SPICE1: variants seen among roughly 807,000 people sequenced by gnomAD.
The protein encoded by SPICE1 is spindle and centriole-associated protein 1.
In SPICE1, 75 loss-of-function variants were observed where a neutral mutation model predicts 102.7. The ratio of observed to expected loss-of-function variants is 0.73; its 90% CI spans 0.61 to 0.88. The LOEUF is 0.88. Among genes scored for constraint, SPICE1 ranks in the 40% least tolerant of loss-of-function variants. SPICE1 has a pLI of 0.00. For synonymous variants in SPICE1, 308 were observed against 350.3 expected (o/e 0.88, Z 1.35); for missense variants, 979 against 1,020.1 (o/e 0.96, Z 0.55).
chr3:113,446,615 A>G lies in SPICE1; in HGVS notation c.2488T>C (p.Phe830Leu). The stretch of plus-strand genomic sequence containing the variant: ...TTTGCTCTTGGATTAAGAGGTGTGA[A>G]TCTCCCACTTCCTGAGGTGGCATTT... ...PLNATSGSGR[F>L]TPLNPRAKIE... The change falls in exon 17 of 18, where the codon TTC (phenylalanine) becomes CTC (leucine). Residue 830 changes from phenylalanine to leucine, a missense_variant. Physicochemically the swap from Phe to Leu is conservative, Grantham distance 22. Coordinates refer to ENST00000295872, the MANE Select transcript of SPICE1 (RefSeq NM_144718.4). 1 of 1,613,784 alleles carries G rather than the reference A, an allele frequency of 6.2e-7. No individual in the cohort carries two copies. Among genetic ancestry groups the G allele is most frequent in the Non-Finnish European group, 8.5e-7 (1 of 1,179,816 alleles).
chr3:113,453,618 G>C lies in SPICE1; in HGVS notation c.1990C>G (p.Gln664Glu), dbSNP rs1264107127. ...QQLRTNESLI[Q>E]RKDIMTRIAD... ...ATTCGTGTCATTATGTCCTTTCTTT[G>C]TATTAATGACTCATTTGTTCTCAGC... The change falls in exon 14 of 18, where the codon CAA becomes GAA. Residue 664 changes from glutamine (Q) to glutamate (E), a missense_variant. Gln to Glu is a conservative substitution (Grantham distance 29, BLOSUM62 2). Transcript: ENST00000295872. 6.2e-7 allele frequency: 1 copy of C among 1,614,102 alleles called. No individual in the cohort carries two copies. The highest frequency in any genetic ancestry group is 8.5e-7 in the Non-Finnish European group (1 of 1,180,026).
intron 1 of SPICE1, among the ~76,000 whole-genome samples, chr3:113,511,664 A>G (rs562670378): frequency 6.6e-6 from 1 of 152,318 alleles, no homozygotes; most frequent in South Asian, 2.1e-4. Context: ...AATGCACGCT[A>G]GATTTAATAC....
In SPICE1 at chr3:113,515,012, G is replaced by A; in HGVS notation, c.-116C>T. 2 of 361,246 alleles carry A rather than the reference G, an allele frequency of 5.5e-6. No homozygotes were observed. The highest frequency in any genetic ancestry group is 9.7e-6 in the Non-Finnish European group (2 of 205,140). The allele number at this position is 361,246 out of a possible 1,614,324, so 22.4% of individuals were successfully genotyped here. The stretch of plus-strand genomic sequence containing the variant: ...CACCACCGTTCTCCCCACCCTTTTG[G>A]TAGCCCTGGTCCCTAAGGCTCGTTG... On this transcript the variant is annotated 5_prime_UTR_variant, in exon 1 of 18. Coordinates refer to ENST00000295872, the MANE Select transcript of SPICE1 (RefSeq NM_144718.4).
chr3:113,505,904 T>C (rs527361868), intron 2 of SPICE1, among the ~76,000 whole-genome samples: 128 of 151,296 alleles, frequency 8.5e-4, no homozygotes, highest in African/African-American at 2.9e-3. Context: ...TGACCCTGTC[T>C]CTTAAAAAAA....
At chr3:113,509,064 T>C (rs1461274308) in intron 1 of SPICE1, among the ~76,000 whole-genome samples, 1 of 152,180 alleles carries the variant, frequency 6.6e-6, no homozygotes, top group African/African-American at 2.4e-5. Context: ...AGATTAGTGA[T>C]TGCCAGCATC....
chr3:113,467,018 C>A (rs945639342), intron 10 of SPICE1, among the ~76,000 whole-genome samples: 2 of 151,982 alleles, frequency 1.3e-5, no homozygotes, highest in Non-Finnish European at 2.9e-5. Flanking sequence ...CACTACTGCA[C>A]CCTAGCCTGG....
intron 7 of SPICE1, among the ~76,000 whole-genome samples, chr3:113,482,305 C>T (rs1243833960): frequency 5.3e-5 from 8 of 151,994 alleles, no homozygotes; most frequent in African/African-American, 1.9e-4. Flanking sequence ...ATTCTGGATA[C>T]TAGCCCTTTG....
At chr3:113,472,801 A>G (rs961786145) in intron 7 of SPICE1, among the ~76,000 whole-genome samples, 1 of 152,196 alleles carries the variant, frequency 6.6e-6, no homozygotes. Context: ...ACCAAAAGCA[A>G]AGACCAAAAG....
intron 1 of SPICE1, among the ~76,000 whole-genome samples, chr3:113,509,613 T>C (rs763137252): frequency 6.6e-6 from 1 of 152,222 alleles, no homozygotes; most frequent in Non-Finnish European, 1.5e-5. Flanking sequence ...GAATACAGTC[T>C]GGAATCACTG....
chr3:113,458,268 G>C (rs1194586541), intron 12 of SPICE1, among the ~76,000 whole-genome samples: 1 of 152,034 alleles, frequency 6.6e-6, no homozygotes. Context: ...GCCCAGCCGA[G>C]GCTGGACTGT....
chr3:113,494,539 T>C (rs1040058663), intron 4 of SPICE1, among the ~76,000 whole-genome samples: 2 of 149,902 alleles, frequency 1.3e-5, no homozygotes, highest in African/African-American at 2.5e-5. Flanking sequence ...CCCAGCTACT[T>C]GGGAGGCTGA....
At chr3:113,470,514 C>T (rs888140961) in intron 7 of SPICE1, among the ~76,000 whole-genome samples, 3 of 152,194 alleles carry the variant, frequency 2.0e-5, no homozygotes, top group Non-Finnish European at 4.4e-5. Context: ...AGAAATACTG[C>T]TAGCTTAAAT....
intron 1 of SPICE1, among the ~76,000 whole-genome samples, chr3:113,513,164 C>T (rs1937252574): frequency 1.3e-5 from 2 of 152,038 alleles, no homozygotes; most frequent in South Asian, 4.2e-4. Flanking sequence ...CCCAGCAACT[C>T]GGGAGGCTGA....
chr3:113,480,224 A>AG (rs1257023882), intron 7 of SPICE1, among the ~76,000 whole-genome samples: 2 of 151,912 alleles, frequency 1.3e-5, no homozygotes, highest in East Asian at 1.9e-4. Context: ...ACTTCCCCAC[A>AG]GAAAAAAAAA....
rs1935890293 is a variant in SPICE1 at position 113,460,062 on chromosome 3, A to T, written c.1435+555T>A. 4.1e-6 allele frequency: 4 copies of T among 985,426 alleles called. 1 individual carries two copies. In the African/African-American group the frequency reaches 7.0e-5, roughly 17 times the overall value. The allele number at this position is 985,426 out of a possible 1,614,324, so 61.0% of individuals were successfully genotyped here. On this transcript the variant is annotated intron_variant, in intron 12 of 17. Coordinates refer to ENST00000295872, the MANE Select transcript of SPICE1 (RefSeq NM_144718.4). ...CAGATACTCATCAAAGTCTTACTTA[A>T]AAGTAAAACACATGAAAAAACCAAA...
At chr3:113,460,549 G>T (rs1935907796) in intron 12 of SPICE1, 68 bp downstream of exon 12, 2 of 1,523,642 alleles carry the variant, frequency 1.3e-6, no homozygotes, top group Non-Finnish European at 1.8e-6. Context: ...AGAGATTTAA[G>T]GTTTGGTTTG....
At chr3:113,513,481 C>A (rs1227075549) in intron 1 of SPICE1, among the ~76,000 whole-genome samples, 2 of 149,716 alleles carry the variant, frequency 1.3e-5, no homozygotes, top group Non-Finnish European at 3.0e-5. Flanking sequence ...ATATACATCT[C>A]CCAAATATCA....
chr3:113,502,043 C>A (rs932078091), intron 3 of SPICE1, among the ~76,000 whole-genome samples: 1 of 152,172 alleles, frequency 6.6e-6, no homozygotes, highest in Non-Finnish European at 1.5e-5. Context: ...AATGGTAGAT[C>A]CATACAATGG....
chr3:113,483,960 T>G (rs906483249), intron 7 of SPICE1, among the ~76,000 whole-genome samples: 7 of 152,246 alleles, frequency 4.6e-5, no homozygotes, highest in African/African-American at 1.4e-4. Flanking sequence ...TGGTACCAGC[T>G]TCTCTTTGTA....
Sources: gnomAD v4.1 joint callset for allele counts (sites outside exome capture counted in the v4.1 genomes callset) on GRCh38, gnomAD v4.1.1 for gene constraint, MANE v1.5 for transcripts, NCBI Gene and HGNC (gene_info 2026-07-23, HGNC 2026-07-21) for gene names.